The following STARD13 variants were observed in gnomAD, a reference collection of about 807,000 sequenced individuals.
STARD13 encodes StAR related lipid transfer domain containing 13.
Under a neutral mutation model 106.4 loss-of-function variants are expected in STARD13, and 62 were observed. That is an observed-to-expected ratio of 0.58 (90% CI 0.48 to 0.72). The LOEUF is 0.72. Among genes scored for constraint, STARD13 ranks in the 30% least tolerant of loss-of-function variants. The pLI is 0.00. For synonymous variants in STARD13, 565 were observed against 553.0 expected (o/e 1.02, Z -0.31); for missense variants, 1,387 against 1,424.0 (o/e 0.97, Z 0.42).
chr13:33,494,937 G>C, the STARD13 span, among the ~76,000 whole-genome samples: 3 of 152,026 alleles, frequency 2.0e-5, no homozygotes, highest in African/African-American at 7.2e-5. Context: ...ACTCTACTTA[G>C]GGTTCCCACG....
intron 3 of STARD13, among the ~76,000 whole-genome samples, chr13:33,145,298 AACGAGAC>A (rs1880376841): frequency 6.6e-6 from 1 of 152,244 alleles, no homozygotes; most frequent in Non-Finnish European, 1.5e-5. Flanking sequence ...TTAAAATCAT[AACGAGAC>A]ACCACTACAC....
chr13:33,136,747 C>T (rs928565044), intron 4 of STARD13, among the ~76,000 whole-genome samples: 1 of 152,218 alleles, frequency 6.6e-6, no homozygotes, highest in Admixed American at 6.5e-5. Flanking sequence ...GCTGCTGTGT[C>T]GCTCAATAAA....
chr13:33,145,148 T>C (rs1020920155), intron 3 of STARD13, among the ~76,000 whole-genome samples: 5 of 152,330 alleles, frequency 3.3e-5, no homozygotes, highest in South Asian at 2.1e-4. Flanking sequence ...AGGACTCATA[T>C]ACAGAACACC....
chr13:33,185,986 T>C, intron 1 of STARD13: 1 of 1,614,226 alleles, frequency 6.2e-7, no homozygotes, highest in Non-Finnish European at 8.5e-7. Flanking sequence ...GGGGCCTGGT[T>C]AACGTTTGCA....
At chr13:33,172,770 AATTT>A (rs1322196418) in intron 1 of STARD13, among the ~76,000 whole-genome samples, 1 of 152,172 alleles carries the variant, frequency 6.6e-6, no homozygotes, top group Non-Finnish European at 1.5e-5. Flanking sequence ...CCCAAATTAA[AATTT>A]ATTATTATCA....
chr13:33,295,038 A>T (rs900813312), intron 1 of STARD13, among the ~76,000 whole-genome samples: 27 of 152,106 alleles, frequency 1.8e-4, no homozygotes, highest in Middle Eastern at 3.2e-3. Flanking sequence ...GTCAAGCAGC[A>T]GTTGGGAATT....
chr13:33,561,949 A>AT, the STARD13 span, among the ~76,000 whole-genome samples: 2 of 147,032 alleles, frequency 1.4e-5, no homozygotes, highest in African/African-American at 2.5e-5. Flanking sequence ...AGAACTGGTT[A>AT]TTTTTTTAAA....
chr13:33,613,410 A>G, the STARD13 span, among the ~76,000 whole-genome samples: 21 of 152,300 alleles, frequency 1.4e-4, no homozygotes, highest in Admixed American at 1.1e-3. Flanking sequence ...TAGTGCAAAC[A>G]AAGTTGTGGG....
chr13:33,130,382 C>G lies in STARD13; in HGVS notation c.388-93G>C, dbSNP rs573585515. On this transcript the variant is annotated intron_variant, in intron 4 of 13. Coordinates refer to ENST00000336934, the MANE Select transcript of STARD13 (RefSeq NM_178006.4). The surrounding 1 kb of genome is among the most constrained non-coding windows in gnomAD (Gnocchi z 4.1). ...GAGGGCAGCCCTGTGTGGTCCTCCA[C>G]CTCCCTCCCCTCTGTCCTCCCATGC... The G allele has an allele frequency of 4.1e-6, 5 of 1,205,080 alleles. No homozygotes were observed. In the South Asian group the frequency reaches 4.3e-5, roughly 10 times the overall value. 74.6% of individuals were successfully genotyped at this position (1,205,080 alleles called of 1,614,324 possible). A position where few individuals can be genotyped will look rare whatever the true frequency, so the allele number is the denominator to read the frequency against.
rs778938678 is a variant in STARD13, at chr13:33,129,536, G to C, written c.1141C>G (p.Gln381Glu). 1.2e-6 allele frequency: 2 copies of C among 1,614,148 alleles called. No homozygotes were observed. ...GAGTGAAATTCATGCATACGGCTTT[G>C]GTCCCCTGCATCCGGCAGTGCTGTC... ...AGTALPDAGDQSRMHEFHSQE... is the reference protein window; with the variant it reads ...AGTALPDAGDESRMHEFHSQE... Residue 381 changes from glutamine (Q) to glutamate (E), a missense_variant, in exon 5 of 14, where the codon CAA becomes GAA. By Grantham distance (29) the Gln-to-Glu change is conservative. Transcript: ENST00000336934.
chr13:33,226,435 CT>C (rs71196514), intron 1 of STARD13, among the ~76,000 whole-genome samples: 27,875 of 130,038 alleles, frequency 0.21, 3,036 homozygotes, highest in Admixed American at 0.35. Context: ...AAATTTAGTT[CT>C]TTTTTTTTTT....
At chr13:33,547,425 G>A in the STARD13 span, among the ~76,000 whole-genome samples, 1 of 152,126 alleles carries the variant, frequency 6.6e-6, no homozygotes, top group Admixed American at 6.5e-5. Flanking sequence ...GGGAATTTAG[G>A]ATACTATGTT....
At chr13:33,589,933 T>A in the STARD13 span, among the ~76,000 whole-genome samples, 1 of 152,200 alleles carries the variant, frequency 6.6e-6, no homozygotes, top group Non-Finnish European at 1.5e-5. Context: ...TGTGGGAGTC[T>A]AAGTCTCTTT....
chr13:33,148,663 C>A (rs1414126107), intron 3 of STARD13, among the ~76,000 whole-genome samples: 1 of 152,208 alleles, frequency 6.6e-6, no homozygotes, highest in Non-Finnish European at 1.5e-5. Flanking sequence ...AGACAGTGGG[C>A]AGCTTCTTAC....
At chr13:33,388,287 G>A in the STARD13 span, among the ~76,000 whole-genome samples, 1 of 152,170 alleles carries the variant, frequency 6.6e-6, no homozygotes, top group East Asian at 1.9e-4. Flanking sequence ...GAGCAAAAAC[G>A]ACCAGGTTTA....
At chr13:33,582,151 G>C in the STARD13 span, among the ~76,000 whole-genome samples, 1 of 151,998 alleles carries the variant, frequency 6.6e-6, no homozygotes, top group Non-Finnish European at 1.5e-5. Context: ...GAACCCAGCA[G>C]GCGGAGCTTG....
the STARD13 span, among the ~76,000 whole-genome samples, chr13:33,362,699 C>G: frequency 6.6e-6 from 1 of 152,154 alleles, no homozygotes; most frequent in Admixed American, 6.5e-5. Context: ...CATAGCTGTC[C>G]CCTCTTTGGA....
intron 1 of STARD13, among the ~76,000 whole-genome samples, chr13:33,325,011 A>G (rs1210737197): frequency 6.6e-6 from 1 of 152,180 alleles, no homozygotes; most frequent in East Asian, 1.9e-4. Flanking sequence ...TCTTTCATGT[A>G]TATCAAAAGT....
chr13:33,443,942 A>G, the STARD13 span, among the ~76,000 whole-genome samples: 2 of 151,488 alleles, frequency 1.3e-5, no homozygotes. Flanking sequence ...AATGTGACTT[A>G]TGGATAGACA....
Sources: allele counts gnomAD v4.1 joint callset (sites outside exome capture counted in the v4.1 genomes callset), GRCh38; gene constraint gnomAD v4.1.1; non-coding constraint Gnocchi (gnomAD v3.1); transcripts MANE v1.5; gene names NCBI Gene and HGNC (gene_info 2026-07-23, HGNC 2026-07-21).